Variants in RASGRP1 observed in about 807,000 individuals in gnomAD.
The protein encoded by RASGRP1 is RAS guanyl-releasing protein 1.
Under a neutral mutation model 95.1 loss-of-function variants are expected in RASGRP1, and 37 were observed. That is an observed-to-expected ratio of 0.39 (90% confidence interval 0.30 to 0.51). RASGRP1 has a LOEUF of 0.51. Among genes scored for constraint, RASGRP1 ranks in the 20% least tolerant of loss-of-function variants. RASGRP1 has a pLI of 0.80. For synonymous variants in RASGRP1, 325 were observed against 353.4 expected (o/e 0.92, Z 0.90); for missense variants, 711 against 965.4 (o/e 0.74, Z 3.49).
intron 2 of RASGRP1, among the ~76,000 whole-genome samples, chr15:38,531,977 G>C (rs1026980703): frequency 2.6e-5 from 4 of 151,856 alleles, no homozygotes; most frequent in Non-Finnish European, 5.9e-5. Flanking sequence ...TCGGGGATAC[G>C]TCCCTTCCTG....
chr15:38,514,769 C>T (rs1445323359), intron 6 of RASGRP1, among the ~76,000 whole-genome samples: 2 of 152,204 alleles, frequency 1.3e-5, no homozygotes, highest in Admixed American at 1.3e-4. Flanking sequence ...TTCACTTCTG[C>T]CTCCACTGAT....
intron 9 of RASGRP1, among the ~76,000 whole-genome samples, chr15:38,506,913 G>T (rs896772787): frequency 6.6e-6 from 1 of 152,166 alleles, no homozygotes; most frequent in Non-Finnish European, 1.5e-5. Context: ...ACACAGACCT[G>T]CCAAGGTCAC....
chr15:38,533,122 T>C (rs998690785), intron 2 of RASGRP1, among the ~76,000 whole-genome samples: 1 of 152,164 alleles, frequency 6.6e-6, no homozygotes, highest in Non-Finnish European at 1.5e-5. Flanking sequence ...TGTGTGAAGG[T>C]ATTTTGAGTG....
intron 2 of RASGRP1, among the ~76,000 whole-genome samples, chr15:38,542,904 T>TACACACATATATGTGTATATATAC (rs1413825415): frequency 7.1e-6 from 1 of 141,320 alleles, no homozygotes; most frequent in African/African-American, 2.6e-5. Flanking sequence ...TGTATATATA[T>TACACACATATATGTGTATATATAC]ACACATATAT....
chr15:38,549,175 C>A (rs1893229051), intron 2 of RASGRP1, among the ~76,000 whole-genome samples: 1 of 152,116 alleles, frequency 6.6e-6, no homozygotes, highest in Non-Finnish European at 1.5e-5. Flanking sequence ...AAATGGTGAA[C>A]CCACCAAGGT....
chr15:38,530,864 G>C (rs1330372946), intron 2 of RASGRP1, among the ~76,000 whole-genome samples: 2 of 152,204 alleles, frequency 1.3e-5, no homozygotes, highest in Non-Finnish European at 2.9e-5. Flanking sequence ...AATATCTGAA[G>C]TGTTCTTTGT....
intron 6 of RASGRP1, among the ~76,000 whole-genome samples, chr15:38,514,738 T>C (rs1891690263): frequency 6.6e-6 from 1 of 152,220 alleles, no homozygotes; most frequent in South Asian, 2.1e-4. Context: ...CTGGCTGGGA[T>C]TCCTCGTTCT....
rs1161958824 is a variant in RASGRP1 at position 38,552,692 on chromosome 15, T to C, written c.220+7129A>G. 2.0e-5 allele frequency among the ~76,000 whole-genome samples: 3 copies of C among 152,260 alleles called. No individual in the cohort carries two copies. In the East Asian group the frequency reaches 5.8e-4, roughly 29 times the overall value. The stretch of plus-strand genomic sequence containing the variant: ...GTGAGTTTTGAGTATTTCTTATCTT[T>C]GTTTTTAATATAATTTAATTGTAAG... On this transcript the variant is annotated intron_variant, in intron 2 of 16. Coordinates refer to ENST00000310803, the MANE Select transcript of RASGRP1 (RefSeq NM_005739.4).
chr15:38,562,684 A>T (rs1336756767), intron 1 of RASGRP1, among the ~76,000 whole-genome samples: 1 of 152,196 alleles, frequency 6.6e-6, no homozygotes, highest in Non-Finnish European at 1.5e-5. Flanking sequence ...GGCAACTGCA[A>T]CTAGAGGCTC....
intron 15 of RASGRP1, among the ~76,000 whole-genome samples, chr15:38,495,292 C>A (rs1890755929): frequency 6.6e-6 from 1 of 152,084 alleles, no homozygotes; most frequent in Admixed American, 6.5e-5. Flanking sequence ...AAATGTATTG[C>A]CCCTGTTTGA....
intron 3 of RASGRP1, among the ~76,000 whole-genome samples, chr15:38,525,304 A>G (rs1892173994): frequency 6.6e-6 from 1 of 152,118 alleles, no homozygotes; most frequent in Non-Finnish European, 1.5e-5. Flanking sequence ...CCAACAAATA[A>G]GTTTTTAGGG....
At chr15:38,547,045 T>C (rs1893131646) in intron 2 of RASGRP1, among the ~76,000 whole-genome samples, 1 of 152,208 alleles carries the variant, frequency 6.6e-6, no homozygotes, top group Admixed American at 6.5e-5. Context: ...TGTTTAAATC[T>C]GATGAAAATG....
intron 1 of RASGRP1, chr15:38,560,326 A>G (rs1441694443): frequency 1.2e-5 from 4 of 333,388 alleles, no homozygotes; most frequent in African/African-American, 2.1e-5. Flanking sequence ...CCAGCAATGT[A>G]TACATTTTTT....
intron 2 of RASGRP1, among the ~76,000 whole-genome samples, chr15:38,545,003 T>A (rs892416302): frequency 6.6e-6 from 1 of 152,254 alleles, no homozygotes; most frequent in Admixed American, 6.5e-5. Context: ...GTTCTCCTTT[T>A]GATGTTTAAT....
intron 3 of RASGRP1, among the ~76,000 whole-genome samples, chr15:38,521,567 CT>C (rs1670988702): frequency 6.6e-6 from 1 of 152,190 alleles, no homozygotes; most frequent in African/African-American, 2.4e-5. Context: ...AGGGCACCCT[CT>C]TTCTCACTTC....
intron 2 of RASGRP1, among the ~76,000 whole-genome samples, chr15:38,553,900 G>A (rs1220884066): frequency 6.6e-6 from 1 of 152,156 alleles, no homozygotes; most frequent in African/African-American, 2.4e-5. Context: ...AAACCTATAT[G>A]CTCTATTGCT....
intron 12 of RASGRP1, among the ~76,000 whole-genome samples, chr15:38,502,093 G>T (rs551879219): frequency 6.6e-6 from 1 of 152,306 alleles, no homozygotes; most frequent in Non-Finnish European, 1.5e-5. Context: ...GAGCTCAGGT[G>T]ATCTGCCCAC....
At chr15:38,494,276 T>G in intron 16 of RASGRP1, 106 bp downstream of exon 16, 2 of 1,433,510 alleles carry the variant, frequency 1.4e-6, no homozygotes, top group East Asian at 2.4e-5. Flanking sequence ...TGTTTTAGAC[T>G]GCTTGTAATC....
At chr15:38,511,868 C>G in intron 7 of RASGRP1, 148 bp from the exon 8 acceptor site, 1 of 614,734 alleles carries the variant, frequency 1.6e-6, no homozygotes, top group Non-Finnish European at 2.9e-6. Flanking sequence ...CTGTCCATGT[C>G]TCCCCTTCTG....
Sources: allele counts gnomAD v4.1 joint callset (sites outside exome capture counted in the v4.1 genomes callset), GRCh38; gene constraint gnomAD v4.1.1; transcripts MANE v1.5; gene names NCBI Gene and HGNC (gene_info 2026-07-23, HGNC 2026-07-21).